Variants in INTS1 observed in about 807,000 individuals in gnomAD.
INTS1 encodes integrator complex subunit 1.
INTS1 carries 137 observed loss-of-function variants against 241.6 expected under a neutral mutation model. The observed-to-expected ratio is 0.57, with a 90% CI of 0.49 to 0.65. The LOEUF is 0.65. Ranked by LOEUF, INTS1 falls within the 30% of genes least tolerant of loss-of-function variation. The pLI is 0.00. For synonymous variants in INTS1, 1,692 were observed against 1,337.8 expected, an observed-to-expected ratio of 1.26 and a Z score of -5.78; for missense variants, 3,073 against 3,032.2, an observed-to-expected ratio of 1.01 and a Z score of -0.32.
rs1340819634 is a variant in INTS1 at position 1,497,127 on chromosome 7, A to C, written c.1602+11T>G. On this transcript the variant is annotated intron_variant, in intron 11 of 47. Transcript: ENST00000404767. This position sits in a 1 kb window ranked among gnomAD's most constrained non-coding sequence, Gnocchi z 5.3. ...GTGAGGGAAAGGCGCCCCAGCGGCG[A>C]GGGCTGGCACCTTGAACTCCATCTC... 1 of 1,592,162 alleles carries C rather than the reference A, an allele frequency of 6.3e-7. No individual in the cohort carries two copies. Among genetic ancestry groups the C allele is most frequent in the Non-Finnish European group, 8.5e-7 (1 of 1,171,082 alleles).
intron 20 of INTS1, 23 bp downstream of exon 20, chr7:1,487,297 C>T: frequency 6.4e-7 from 1 of 1,570,820 alleles, no homozygotes; most frequent in East Asian, 2.4e-5. Context: ...ACCATCTCTA[C>T]CTCCTGGAGC....
chr7:1,494,763 C>T, intron 14 of INTS1, 53 bp downstream of exon 14: 2 of 1,532,006 alleles, frequency 1.3e-6, no homozygotes, highest in South Asian at 1.2e-5. Context: ...GCCCGGCACC[C>T]CGCAGCCCCG....
rs766044015 is a variant in INTS1, at chr7:1,503,968, C to A, written c.-8G>T. Reference sequence around the variant, plus strand: ...GGGCTTGGCCCGGTTCATCCTGCCCCGTCCCTCGCGGCTCCCGGCGGCTGC... The same window carrying A: ...GGGCTTGGCCCGGTTCATCCTGCCCAGTCCCTCGCGGCTCCCGGCGGCTGC... On this transcript the variant is annotated 5_prime_UTR_variant, in exon 2 of 48. Transcript: ENST00000404767. 3.2e-6 allele frequency: 5 copies of A among 1,548,606 alleles called. No homozygotes were observed. Among genetic ancestry groups the A allele is most frequent in the Non-Finnish European group, 3.5e-6 (4 of 1,147,980 alleles).
chr7:1,504,354 C>G lies in INTS1; in HGVS notation c.-73G>C, dbSNP rs1268992256. On this transcript the variant is annotated 5_prime_UTR_variant, in exon 1 of 48. Coordinates refer to ENST00000404767, the MANE Select transcript of INTS1 (RefSeq NM_001080453.3). Reference sequence around the variant, plus strand: ...CCCATCGCGACCGGAGCGCCGCCGCCGCCACCCGGCCACCCCGGAATCGGA... The same window carrying G: ...CCCATCGCGACCGGAGCGCCGCCGCGGCCACCCGGCCACCCCGGAATCGGA... 1 of 498,150 alleles carries G rather than the reference C, an allele frequency of 2.0e-6. No individual in the cohort carries two copies. Among genetic ancestry groups the G allele is most frequent in the Admixed American group, 2.2e-5 (1 of 45,084 alleles). 30.9% of individuals were successfully genotyped at this position (498,150 alleles called of 1,614,324 possible). A position where few individuals can be genotyped will look rare whatever the true frequency, so the allele number is the denominator to read the frequency against.
chr7:1,499,808 A>G, intron 5 of INTS1, 76 bp downstream of exon 5: 1 of 1,525,936 alleles, frequency 6.6e-7, no homozygotes, highest in Non-Finnish European at 8.9e-7. Context: ...GAGAGAACAC[A>G]CTTCTGCTTT....
Position 1,489,418 on chromosome 7 carries a change from G to C in INTS1, c.2258-14C>G, listed in dbSNP as rs770012335. The C allele has an allele frequency of 2.0e-5, 20 of 1,025,384 alleles. No individual in the cohort carries two copies. In the East Asian group the frequency reaches 1.5e-3, roughly 77 times the overall value. The allele number at this position is 1,025,384 out of a possible 1,614,324, so 63.5% of individuals were successfully genotyped here. A position where few individuals can be genotyped will look rare whatever the true frequency, so the allele number is the denominator to read the frequency against. On this transcript the variant is annotated splice_polypyrimidine_tract_variant and intron_variant, in intron 17 of 47. Coordinates refer to ENST00000404767, the MANE Select transcript of INTS1 (RefSeq NM_001080453.3). ...ACGCAGCCAGGCCTAGGGAACCGGA[G>C]GGTGTGGGGCTGGCCAGGCTCCCCT...
At chr7:1,478,578 C>T in intron 32 of INTS1, 72 bp from the exon 33 acceptor site, 1 of 1,552,346 alleles carries the variant, frequency 6.4e-7, no homozygotes, top group African/African-American at 1.4e-5. Context: ...CCAGGGAGGC[C>T]CCACGGTAGA....
At position 1,477,909 on chromosome 7, in the gene INTS1, G is replaced by A. The variant is rs1562490316; in HGVS notation, c.4658C>T (p.Ser1553Phe). 6.2e-7 allele frequency: 1 copy of A among 1,612,538 alleles called. No individual in the cohort carries two copies. The highest frequency in any genetic ancestry group is 8.5e-7 in the Non-Finnish European group (1 of 1,179,786). The change falls in exon 34 of 48, where the codon TCC becomes TTC. Residue 1553 changes from serine to phenylalanine, a missense_variant. Transcript: ENST00000404767. Reference sequence around the variant, plus strand: ...AGTCAGCAGCTCCTCCAGGTGGGGGGACCTCACCTCGATCAGCCCCTGGAG... The same window carrying A: ...AGTCAGCAGCTCCTCCAGGTGGGGGAACCTCACCTCGATCAGCCCCTGGAG... Reference protein sequence around the residue: ...KVLQGLIEVRSPHLEELLTAF... With the variant: ...KVLQGLIEVRFPHLEELLTAF...
intron 35 of INTS1, 129 bp from the exon 36 acceptor site, chr7:1,477,047 C>G: frequency 8.3e-7 from 1 of 1,199,810 alleles, no homozygotes; most frequent in Non-Finnish European, 1.2e-6. Context: ...GTAACACCGG[C>G]CCCGTCATGG....
intron 16 of INTS1, among the ~76,000 whole-genome samples, chr7:1,491,066 C>T (rs1340867839): frequency 6.6e-5 from 10 of 152,232 alleles, no homozygotes. Context: ...CCCCACCAAA[C>T]ACCACACACC....
chr7:1,486,487 AC>A, intron 22 of INTS1, 137 bp downstream of exon 22: 1 of 945,502 alleles, frequency 1.1e-6, no homozygotes, highest in South Asian at 1.8e-5. Context: ...CTGGTCTCCA[AC>A]TCCTGACCTC....
chr7:1,476,928 G>C lies in INTS1; in HGVS notation c.4939-10C>G. On this transcript the variant is annotated splice_polypyrimidine_tract_variant and intron_variant, in intron 35 of 47. Transcript: ENST00000404767. ...GGGCCTGACCTTTGCCCTGGGGAGG[G>C]AGGAAGAAGCCCGGATGGCCTCACC... 2 of 1,607,672 alleles carry C rather than the reference G, an allele frequency of 1.2e-6. No homozygotes were observed. The highest frequency in any genetic ancestry group is 8.5e-7 in the Non-Finnish European group (1 of 1,178,700).
rs374666910 is a variant in INTS1 at position 1,486,560 on chromosome 7, C to T, written c.2976+65G>A. 249 of 1,530,372 alleles carry T rather than the reference C, an allele frequency of 1.6e-4. No homozygotes were observed. In the East Asian group the frequency reaches 4.1e-3, roughly 25 times the overall value. The allele number at this position is 1,530,372 out of a possible 1,614,324, so 94.8% of individuals were successfully genotyped here. Reference sequence around the variant, plus strand: ...GATGACAGGCGTGAGCCACCGTGCCCGGTCCCCAGCCTACTCATTTTAAAC... The same window carrying T: ...GATGACAGGCGTGAGCCACCGTGCCTGGTCCCCAGCCTACTCATTTTAAAC... On this transcript the variant is annotated intron_variant, in intron 22 of 47. Transcript: ENST00000404767.
At position 1,493,006 on chromosome 7, in the gene INTS1, T is replaced by C; in HGVS notation, c.2165+4A>G. The C allele has an allele frequency of 2.5e-6, 4 of 1,611,134 alleles. No individual in the cohort carries two copies. The highest frequency in any genetic ancestry group is 3.4e-6 in the Non-Finnish European group (4 of 1,178,050). On this transcript the variant is annotated splice_donor_region_variant and intron_variant, in intron 16 of 47. Transcript: ENST00000404767. The surrounding 1 kb of genome is among the most constrained non-coding windows in gnomAD (Gnocchi z 5.3). Reference sequence around the variant, plus strand: ...CGGGAGTGGGGAGCGGGGCGTGGGCTTACCCCGGTGGGAGCTGGATGTTTT... The same window carrying C: ...CGGGAGTGGGGAGCGGGGCGTGGGCCTACCCCGGTGGGAGCTGGATGTTTT...
In INTS1 at chr7:1,481,294, G is replaced by A; in HGVS notation, c.3850+48C>T. On this transcript the variant is annotated intron_variant, in intron 28 of 47. Coordinates refer to ENST00000404767, the MANE Select transcript of INTS1 (RefSeq NM_001080453.3). The surrounding 1 kb of genome is among the most constrained non-coding windows in gnomAD (Gnocchi z 6.8). ...GCCCCAAAAGCCTGGCCGGGCTGGGGCTCGGTCAGCGTGTGTGAACCCACT... is the reference window on the plus strand; with the variant it reads ...GCCCCAAAAGCCTGGCCGGGCTGGGACTCGGTCAGCGTGTGTGAACCCACT... 6.2e-7 allele frequency: 1 copy of A among 1,607,906 alleles called. No individual in the cohort carries two copies. Among genetic ancestry groups the A allele is most frequent in the South Asian group, 1.1e-5 (1 of 90,764 alleles).
rs1276758292 is a variant in INTS1 at position 1,503,203 on chromosome 7, GGAGA to G, written c.59-16_59-13del. ...TGGGGGAGGGTGCCCTGCAGAGAAA[GGAGA>G]GAGAAAACCGGGCACATTTGCAACA... On this transcript the variant is annotated splice_polypyrimidine_tract_variant and intron_variant, in intron 2 of 47. Transcript: ENST00000404767. The G allele has an allele frequency of 6.6e-7, 1 of 1,520,016 alleles. No homozygotes were observed. Among genetic ancestry groups the G allele is most frequent in the African/African-American group, 1.4e-5 (1 of 71,878 alleles). 94.2% of individuals were successfully genotyped at this position (1,520,016 alleles called of 1,614,324 possible).
chr7:1,493,974 G>T lies in INTS1; in HGVS notation c.1911-63C>A. On this transcript the variant is annotated intron_variant, in intron 14 of 47. Transcript: ENST00000404767. The surrounding 1 kb of genome is among the most constrained non-coding windows in gnomAD (Gnocchi z 5.3). ...CCACACCTGCCAGACCTGAGGGGCCGAGGACAGGCCAGCTTCTCCCTCAGA... is the reference window on the plus strand; with the variant it reads ...CCACACCTGCCAGACCTGAGGGGCCTAGGACAGGCCAGCTTCTCCCTCAGA... The T allele has an allele frequency of 2.7e-6, 4 of 1,503,366 alleles. No homozygotes were observed. Among genetic ancestry groups the T allele is most frequent in the Non-Finnish European group, 3.6e-6 (4 of 1,117,736 alleles). The allele number at this position is 1,503,366 out of a possible 1,614,324, so 93.1% of individuals were successfully genotyped here. A position where few individuals can be genotyped will look rare whatever the true frequency, so the allele number is the denominator to read the frequency against.
intron 3 of INTS1, chr7:1,500,972 T>G (rs1387156973): frequency 4.6e-5 from 7 of 152,314 alleles, no homozygotes; most frequent in Non-Finnish European, 1.0e-4. Context: ...CCAACAGTTT[T>G]TTAGGACTGT....
chr7:1,488,144 G>T (rs1169160923), intron 18 of INTS1, among the ~76,000 whole-genome samples, 187 bp from the exon 19 acceptor site: 4 of 152,178 alleles, frequency 2.6e-5, no homozygotes, highest in African/African-American at 9.6e-5. Context: ...AAGCCGCAGC[G>T]CTGCCCAGAG....
Sources: allele counts gnomAD v4.1 joint callset (sites outside exome capture counted in the v4.1 genomes callset), GRCh38; gene constraint gnomAD v4.1.1; non-coding constraint Gnocchi (gnomAD v3.1); transcripts MANE v1.5; gene names NCBI Gene and HGNC (gene_info 2026-07-23, HGNC 2026-07-21).